The following FOXN3 variants were observed in gnomAD, a reference collection of about 807,000 sequenced individuals.
FOXN3 encodes the protein forkhead box protein N3.
A neutral mutation model predicts 38.4 loss-of-function variants in FOXN3; 7 were observed. The ratio of observed to expected loss-of-function variants is 0.18; its 90% CI spans 0.10 to 0.34. The LOEUF is 0.34. FOXN3 is among the 10% of genes least tolerant of loss of function. The pLI is 1.00. For synonymous variants in FOXN3, 230 were observed against 242.2 expected (o/e 0.95, Z 0.47); for missense variants, 456 against 613.4 (o/e 0.74, Z 2.71).
intron 1 of FOXN3, among the ~76,000 whole-genome samples, chr14:89,514,368 T>C (rs987510546): frequency 8.5e-5 from 13 of 152,216 alleles, no homozygotes; most frequent in Non-Finnish European, 1.6e-4. Context: ...TTAGCGTCTG[T>C]GATGGCAAAC....
intron 1 of FOXN3, among the ~76,000 whole-genome samples, chr14:89,504,034 T>C (rs559330393): frequency 1.3e-5 from 2 of 152,298 alleles, no homozygotes; most frequent in East Asian, 1.9e-4. Context: ...GCTCTGACAC[T>C]TGTTTGCATC....
chr14:89,345,885 C>G (rs547515981), intron 3 of FOXN3, among the ~76,000 whole-genome samples: 5 of 152,296 alleles, frequency 3.3e-5, no homozygotes, highest in South Asian at 2.1e-4. Context: ...AACCCCGTCT[C>G]TACTAAAAAC....
At chr14:89,492,715 A>G (rs2139776510) in intron 1 of FOXN3, among the ~76,000 whole-genome samples, 1 of 152,324 alleles carries the variant, frequency 6.6e-6, no homozygotes. Flanking sequence ...CTGTCTCAAC[A>G]AAATAAAATA....
intron 1 of FOXN3, among the ~76,000 whole-genome samples, chr14:89,541,767 T>C (rs1256940885): frequency 2.0e-5 from 3 of 152,122 alleles, no homozygotes; most frequent in Admixed American, 6.6e-5. Flanking sequence ...CCCGTAACAG[T>C]GCTATGGCTG....
chr14:89,586,772 C>T (rs2139919479), intron 1 of FOXN3, among the ~76,000 whole-genome samples: 1 of 152,282 alleles, frequency 6.6e-6, no homozygotes, highest in South Asian at 2.1e-4. Flanking sequence ...TGTGCCTCTA[C>T]TACTGGTGAT....
chr14:89,583,766 G>A (rs1161315730), intron 1 of FOXN3, among the ~76,000 whole-genome samples: 1 of 152,020 alleles, frequency 6.6e-6, no homozygotes, highest in Non-Finnish European at 1.5e-5. Flanking sequence ...CACCATGTTG[G>A]CCAGGCTGGT....
intron 2 of FOXN3, among the ~76,000 whole-genome samples, chr14:89,371,960 G>A (rs1890330385): frequency 6.6e-6 from 1 of 151,960 alleles, no homozygotes; most frequent in African/African-American, 2.4e-5. Context: ...TCCTCATCCT[G>A]GGGGAGTGCA....
At chr14:89,415,528 C>A (rs981869972) in intron 1 of FOXN3, among the ~76,000 whole-genome samples, 7 of 148,688 alleles carry the variant, frequency 4.7e-5, no homozygotes, top group African/African-American at 1.7e-4. Flanking sequence ...CTATAAATCC[C>A]GCATTTTATA....
At chr14:89,197,307 G>C (rs1448189403) in intron 4 of FOXN3, among the ~76,000 whole-genome samples, 1 of 152,130 alleles carries the variant, frequency 6.6e-6, no homozygotes, top group Non-Finnish European at 1.5e-5. Context: ...AGGAGTTCAA[G>C]ACCAGCCTGG....
chr14:89,368,810 A>G (rs565611669), intron 2 of FOXN3, among the ~76,000 whole-genome samples: 1 of 152,206 alleles, frequency 6.6e-6, no homozygotes, highest in East Asian at 1.9e-4. Flanking sequence ...CCTGGGGCAC[A>G]GAACAGTCCT....
At chr14:89,219,129 G>A (rs1348171163) in intron 4 of FOXN3, among the ~76,000 whole-genome samples, 2 of 152,034 alleles carry the variant, frequency 1.3e-5, no homozygotes, top group African/African-American at 2.4e-5. Flanking sequence ...ATCTCATGTC[G>A]AATTGTAATC....
chr14:89,173,917 C>T (rs551954143), intron 5 of FOXN3, among the ~76,000 whole-genome samples: 5 of 152,120 alleles, frequency 3.3e-5, no homozygotes, highest in South Asian at 2.1e-4. Context: ...CACTTGAGCC[C>T]GGGAGGATGA....
At chr14:89,472,517 G>T (rs979782418) in intron 1 of FOXN3, among the ~76,000 whole-genome samples, 1 of 151,946 alleles carries the variant, frequency 6.6e-6, no homozygotes, top group South Asian at 2.1e-4. Flanking sequence ...TCAGGAGATC[G>T]AGACCACCTT....
Position 89,539,528 on chromosome 14 carries a change from C to T in FOXN3, c.-15+79500G>A, listed in dbSNP as rs56290060. ...ATAAAGCAGGGCTCATAAGTAGGGT[C>T]GATAACAAAATTTCAAAATCATATA... On this transcript the variant is annotated intron_variant, in intron 1 of 6. Coordinates refer to the FOXN3 transcript ENST00000345097. Among the ~76,000 whole-genome samples the T allele has an allele frequency of 1.0e-2, 1,520 of 152,246 alleles. 8 individuals carry two copies. The highest frequency in any genetic ancestry group is 0.011 in the Non-Finnish European group (715 of 68,008).
At chr14:89,243,864 C>T (rs1326359743) in intron 4 of FOXN3, among the ~76,000 whole-genome samples, 1 of 152,172 alleles carries the variant, frequency 6.6e-6, no homozygotes, top group Non-Finnish European at 1.5e-5. Context: ...GCGTCTGCAT[C>T]GCGCCCGCCA....
rs201183672 is a variant in FOXN3 at position 89,401,301 on chromosome 14, G to A, written c.543+10633C>T. Among the ~76,000 whole-genome samples, 4 of 152,120 alleles carry A rather than the reference G, an allele frequency of 2.6e-5. 1 individual carries two copies. The East Asian group carries it at 7.7e-4, about 29-fold the overall frequency. On this transcript the variant is annotated intron_variant, in intron 2 of 5. Coordinates refer to ENST00000557258, the MANE Select transcript of FOXN3 (RefSeq NM_005197.4). ...CACTAAAAACAGAAAAATTAGCTGG[G>A]CATGGTGGCATGAGCCTGTAATCCC...
chr14:89,529,965 G>A (rs887211555), intron 1 of FOXN3, among the ~76,000 whole-genome samples: 1 of 149,598 alleles, frequency 6.7e-6, no homozygotes, highest in Non-Finnish European at 1.5e-5. Context: ...TTTTGATACA[G>A]GGTCTCACTC....
At chr14:89,566,426 C>A (rs1038986324) in intron 1 of FOXN3, among the ~76,000 whole-genome samples, 1 of 149,158 alleles carries the variant, frequency 6.7e-6, no homozygotes, top group African/African-American at 2.6e-5. Flanking sequence ...TACTTTCCTA[C>A]AGGGAAGAAA....
At chr14:89,302,632 G>A (rs1206949713) in intron 3 of FOXN3, among the ~76,000 whole-genome samples, 1 of 152,170 alleles carries the variant, frequency 6.6e-6, no homozygotes, top group Non-Finnish European at 1.5e-5. Context: ...GCACACACAG[G>A]CCACACACCG....
Sources: allele counts gnomAD v4.1 joint callset (sites outside exome capture counted in the v4.1 genomes callset), GRCh38; gene constraint gnomAD v4.1.1; transcripts MANE v1.5; gene names NCBI Gene and HGNC (gene_info 2026-07-23, HGNC 2026-07-21).